The following CECR2 variants were observed in gnomAD, a reference collection of about 807,000 sequenced individuals.
CECR2 encodes chromatin remodeling regulator CECR2.
Under a neutral mutation model 154.5 loss-of-function variants are expected in CECR2, and 30 were observed. The observed-to-expected ratio is 0.19, with a 90% CI of 0.15 to 0.26. CECR2 has a LOEUF of 0.26. CECR2 is among the 10% of genes least tolerant of loss of function. CECR2 has a pLI of 1.00. For synonymous variants in CECR2, 725 were observed against 683.7 expected (o/e 1.06, Z -0.94); for missense variants, 1,743 against 1,829.3 (o/e 0.95, Z 0.86).
chr22:17,410,214 A>G (rs1184066215), intron 1 of CECR2, among the ~76,000 whole-genome samples: 1 of 151,538 alleles, frequency 6.6e-6, no homozygotes, highest in Admixed American at 6.6e-5. Flanking sequence ...CCTGACCTCA[A>G]GTGATCTGCC....
chr22:17,442,673 G>A (rs565173617), intron 1 of CECR2, among the ~76,000 whole-genome samples: 99 of 152,166 alleles, frequency 6.5e-4, no homozygotes, highest in African/African-American at 2.4e-3. Flanking sequence ...TCAGCCTCCC[G>A]AGTAGCTGGG....
At chr22:17,457,954 T>G (rs1336632702) in intron 1 of CECR2, among the ~76,000 whole-genome samples, 1 of 152,158 alleles carries the variant, frequency 6.6e-6, no homozygotes, top group African/African-American at 2.4e-5. Flanking sequence ...ATTGAAATAA[T>G]AACATTATAG....
intron 1 of CECR2, among the ~76,000 whole-genome samples, chr22:17,392,721 A>G (rs750013934): frequency 6.6e-6 from 1 of 151,940 alleles, no homozygotes; most frequent in African/African-American, 2.4e-5. Flanking sequence ...TATTATTTAC[A>G]TACTATACAA....
At chr22:17,372,326 G>T (rs2063070893) in intron 1 of CECR2, among the ~76,000 whole-genome samples, 1 of 152,104 alleles carries the variant, frequency 6.6e-6, no homozygotes, top group Admixed American at 6.6e-5. Context: ...TCAAAAATTA[G>T]AATTTTATTG....
upstream of CECR2, among the ~76,000 whole-genome samples, chr22:17,365,197 C>T (rs2062995737): frequency 6.6e-6 from 1 of 151,908 alleles, no homozygotes; most frequent in Non-Finnish European, 1.5e-5. Flanking sequence ...GCACTCCAGC[C>T]TGGGCAACAA....
intron 3 of CECR2, among the ~76,000 whole-genome samples, chr22:17,497,990 T>C (rs945537037): frequency 6.6e-6 from 1 of 152,190 alleles, no homozygotes; most frequent in Non-Finnish European, 1.5e-5. Flanking sequence ...AAACCGTATA[T>C]GTTAGTGAAG....
intron 1 of CECR2, among the ~76,000 whole-genome samples, chr22:17,450,222 T>A (rs2054746417): frequency 6.6e-6 from 1 of 152,208 alleles, no homozygotes; most frequent in Non-Finnish European, 1.5e-5. Flanking sequence ...TGAGGAAAAG[T>A]AATTTGTTGT....
Position 17,482,115 on chromosome 22 carries a change from C to CAAAAAAAAAA in CECR2, c.221+4450_221+4459dup, listed in dbSNP as rs869050391. ...GGGTGACAGATCGAGACTCTGTCTC[C>CAAAAAAAAAA]AAAAAAAAAAAAAAAAAAAAAAAAA... is the stretch of plus-strand genomic sequence containing the variant. On this transcript the variant is annotated intron_variant, in intron 2 of 18. Transcript: ENST00000262608. Among the ~76,000 whole-genome samples, 74 of 76,316 alleles carry CAAAAAAAAAA rather than the reference C, an allele frequency of 9.7e-4. 2 individuals carry two copies. The East Asian group carries it at 0.016, about 16-fold the overall frequency. 50.1% of individuals were successfully genotyped at this position (76,316 alleles called of 152,430 possible).
rs1006807862 is a variant in CECR2 at position 17,436,905 on chromosome 22, A to G, written c.127-40683A>G. On this transcript the variant is annotated intron_variant, in intron 1 of 18. Coordinates refer to ENST00000262608, the MANE Select transcript of CECR2 (RefSeq NM_001290047.2). ...CTTTAGGCAGGAACTGGGGGTGGGG[A>G]AAAGGATTTTGTATTTCATGTCATC... Among the ~76,000 whole-genome samples the G allele has an allele frequency of 1.7e-4, 26 of 152,314 alleles. 1 individual carries two copies. In the South Asian group the frequency reaches 2.5e-3, roughly 15 times the overall value.
In CECR2 at chr22:17,549,425, C is replaced by A. The variant is rs765858692; in HGVS notation, c.4138C>A (p.Pro1380Thr). 1 of 1,613,394 alleles carries A rather than the reference C, an allele frequency of 6.2e-7. No individual in the cohort carries two copies. The highest frequency in any genetic ancestry group is 1.3e-5 in the African/African-American group (1 of 75,026). Residue 1380 changes from proline to threonine, a missense_variant, in exon 17 of 19, where the codon CCC becomes ACC. Physicochemically the swap from Pro to Thr is conservative, Grantham distance 38 (BLOSUM62 -1). Transcript: ENST00000262608. ...LPPHHPGATQ[P>T]NGLSQEGPIY... The stretch of plus-strand genomic sequence containing the variant: ...ACCTCACCACCCAGGGGCCACCCAG[C>A]CCAACGGCCTCTCTCAGGAGGGTCC...
chr22:17,371,807 T>G (rs1013934693), intron 1 of CECR2, among the ~76,000 whole-genome samples: 28 of 152,236 alleles, frequency 1.8e-4, no homozygotes, highest in East Asian at 1.9e-4. Flanking sequence ...TCAAAATCCA[T>G]GTATTCCCAT....
chr22:17,427,520 G>A (rs747839827), intron 1 of CECR2, among the ~76,000 whole-genome samples: 16 of 152,062 alleles, frequency 1.1e-4, no homozygotes, highest in Non-Finnish European at 2.2e-4. Flanking sequence ...TCCAGGGTTT[G>A]TTCCTTCCGG....
intron 9 of CECR2, among the ~76,000 whole-genome samples, chr22:17,526,105 C>T (rs1016644222): frequency 2.6e-5 from 4 of 152,078 alleles, no homozygotes; most frequent in Non-Finnish European, 4.4e-5. Context: ...AGATTCAATG[C>T]AATGTCTACC....
chr22:17,471,807 T>C (rs2055132040), intron 1 of CECR2, among the ~76,000 whole-genome samples: 1 of 152,132 alleles, frequency 6.6e-6, no homozygotes, highest in Admixed American at 6.5e-5. Flanking sequence ...AGTGCTGGGA[T>C]TACAGGTGTG....
At chr22:17,532,254 T>C (rs1437356877) in intron 9 of CECR2, among the ~76,000 whole-genome samples, 1 of 152,184 alleles carries the variant, frequency 6.6e-6, no homozygotes, top group African/African-American at 2.4e-5. Context: ...ATTAACCAGG[T>C]GGCATAAAAT....
At chr22:17,434,964 T>C (rs973660238) in intron 1 of CECR2, among the ~76,000 whole-genome samples, 1 of 152,076 alleles carries the variant, frequency 6.6e-6, no homozygotes, top group Non-Finnish European at 1.5e-5. Flanking sequence ...CTGCTCCTCA[T>C]TGATGTAGGG....
intron 1 of CECR2, among the ~76,000 whole-genome samples, chr22:17,465,039 C>T (rs1217945625): frequency 2.6e-5 from 4 of 151,462 alleles, no homozygotes; most frequent in African/African-American, 7.3e-5. Context: ...CTTTGTCGCC[C>T]AGGCTGGAGT....
At chr22:17,513,074 CTG>C (rs919119749) in intron 8 of CECR2, among the ~76,000 whole-genome samples, 1 of 152,120 alleles carries the variant, frequency 6.6e-6, no homozygotes, top group Non-Finnish European at 1.5e-5. Context: ...CTGGAGCTGA[CTG>C]TGTTTCGGCA....
At chr22:17,375,883 A>G (rs1395562654) in intron 1 of CECR2, among the ~76,000 whole-genome samples, 1 of 151,900 alleles carries the variant, frequency 6.6e-6, no homozygotes. Flanking sequence ...TGGAGCCGGG[A>G]GACGGAGGTT....
Sources: gnomAD v4.1 joint callset for allele counts (sites outside exome capture counted in the v4.1 genomes callset) on GRCh38, gnomAD v4.1.1 for gene constraint, MANE v1.5 for transcripts, NCBI Gene and HGNC (gene_info 2026-07-23, HGNC 2026-07-21) for gene names.